TMEM196: variants seen among roughly 807,000 people sequenced by gnomAD.
The protein encoded by TMEM196 is transmembrane protein 196.
TMEM196 carries 17 observed loss-of-function variants against 20.0 expected under a neutral mutation model. The ratio of observed to expected loss-of-function variants is 0.85; its 90% confidence interval spans 0.58 to 1.27. The LOEUF (loss-of-function observed/expected upper bound fraction) is 1.27, where lower values mean the gene tolerates loss of function less well. Ranked by LOEUF, TMEM196 falls within the 50% of genes most tolerant of loss-of-function variation. The probability of loss-of-function intolerance (pLI) is 0.00; values close to 1 mark genes in which losing one functional copy is unlikely to be tolerated. For missense variants in TMEM196, 267 were observed against 223.0 expected, an observed-to-expected ratio of 1.20 and a Z score of -1.26; for synonymous variants, 113 against 88.9, an observed-to-expected ratio of 1.27 and a Z score of -1.52.
intron 1 of TMEM196, among the ~76,000 whole-genome samples, chr7:19,739,693 A>G (rs1784521426): frequency 6.6e-6 from 1 of 152,178 alleles, no homozygotes; most frequent in African/African-American, 2.4e-5. Context: ...TACACAAAAG[A>G]TATGAACAGA....
At chr7:19,733,334 G>C (rs1372620488) in intron 1 of TMEM196, among the ~76,000 whole-genome samples, 2 of 152,174 alleles carry the variant, frequency 1.3e-5, no homozygotes, top group African/African-American at 4.8e-5. Context: ...CACTCTTACA[G>C]TAAGGAAATG....
intron 1 of TMEM196, among the ~76,000 whole-genome samples, chr7:19,771,777 C>T (rs1457217507): frequency 1.3e-5 from 2 of 152,110 alleles, no homozygotes; most frequent in Admixed American, 1.3e-4. Context: ...AAAAAAGAAG[C>T]TTGTTGAGTC....
intron 1 of TMEM196, among the ~76,000 whole-genome samples, chr7:19,733,785 C>T (rs949930495): frequency 4.6e-5 from 7 of 152,064 alleles, no homozygotes; most frequent in Non-Finnish European, 8.8e-5. Flanking sequence ...CAAGATCAAC[C>T]CCAGATATAA....
chr7:19,755,611 A>G (rs548051045), intron 1 of TMEM196, among the ~76,000 whole-genome samples: 19 of 152,214 alleles, frequency 1.2e-4, no homozygotes, highest in Non-Finnish European at 2.6e-4. Flanking sequence ...CTGTACTGTA[A>G]CACCTGTTTC....
chr7:19,740,953 A>G (rs922783131), intron 1 of TMEM196, among the ~76,000 whole-genome samples: 1 of 152,200 alleles, frequency 6.6e-6, no homozygotes, highest in African/African-American at 2.4e-5. Flanking sequence ...GTTGAAGTAG[A>G]TGCAGCCTCC....
chr7:19,769,036 C>A (rs1159064556), intron 1 of TMEM196, among the ~76,000 whole-genome samples: 1 of 152,018 alleles, frequency 6.6e-6, no homozygotes, highest in Non-Finnish European at 1.5e-5. Context: ...AAAAATAATC[C>A]TTTTATAGTG....
At position 19,736,353 on chromosome 7, in the gene TMEM196, CTATATA is replaced by C. The variant is rs71017071; in HGVS notation, c.148-6921_148-6916del. On this transcript the variant is annotated intron_variant, in intron 1 of 4. Transcript: ENST00000405844. ...GATCCCACTTTTCTAGTGGTTCCTA[CTATATA>C]TATATATATATATATATATATATAT... Among the ~76,000 whole-genome samples, 344 of 37,780 alleles carry C rather than the reference CTATATA, an allele frequency of 9.1e-3. 1 individual carries two copies. The highest frequency in any genetic ancestry group is 0.053 in the Middle Eastern group (4 of 76). 24.8% of individuals were successfully genotyped at this position (37,780 alleles called of 152,430 possible).
At chr7:19,749,527 T>G (rs1211583708) in intron 1 of TMEM196, among the ~76,000 whole-genome samples, 3 of 143,836 alleles carry the variant, frequency 2.1e-5, no homozygotes, top group African/African-American at 8.3e-5. Context: ...GTTCTGCTCT[T>G]TTTTTTAAAT....
At chr7:19,734,570 A>T (rs1232216364) in intron 1 of TMEM196, among the ~76,000 whole-genome samples, 1 of 152,224 alleles carries the variant, frequency 6.6e-6, no homozygotes, top group Non-Finnish European at 1.5e-5. Context: ...ATGTGTTGAC[A>T]GAAACAAAGA....
intron 1 of TMEM196, among the ~76,000 whole-genome samples, chr7:19,742,056 A>G (rs143917340): frequency 1.3e-5 from 2 of 152,312 alleles, no homozygotes; most frequent in Non-Finnish European, 2.9e-5. Context: ...CTATCCTAAT[A>G]TCATCTAGAA....
At chr7:19,737,344 A>T (rs1784442498) in intron 1 of TMEM196, among the ~76,000 whole-genome samples, 1 of 152,060 alleles carries the variant, frequency 6.6e-6, no homozygotes, top group Non-Finnish European at 1.5e-5. Context: ...AAGCAGCAGG[A>T]ATTTTCATTT....
rs1435580882 is a variant in TMEM196, at chr7:19,725,657, C to G, written c.316G>C (p.Ala106Pro). 1 of 1,614,082 alleles carries G rather than the reference C, an allele frequency of 6.2e-7. No individual in the cohort carries two copies. The highest frequency in any genetic ancestry group is 1.7e-5 in the Admixed American group (1 of 60,010). The part of the protein sequence containing the change: ...KTSSLYPLHL[A>P]SMSLACIGIG... ...CCAATGCACGCGAGAGACATGGAGG[C>G]AAGGTGCAGTGGGTATAGGGAGGAA... Residue 106 changes from alanine (A) to proline (P), a missense_variant, in exon 3 of 5, where the codon GCC becomes CCC. By Grantham distance (27) the Ala-to-Pro change is conservative (BLOSUM62 -1). Transcript: ENST00000405844.
Position 19,772,186 on chromosome 7 carries a change from A to G in TMEM196, c.147+364T>C, listed in dbSNP as rs980647370. 5.9e-4 allele frequency among the ~76,000 whole-genome samples: 89 copies of G among 152,066 alleles called. 2 individuals are homozygous for G. Among genetic ancestry groups the G allele is most frequent in the Non-Finnish European group, 4.6e-4 (31 of 68,018 alleles). ...TGTAGAAGGAACAAAAGATTAAGTG[A>G]GCCTGCCCTTGACAGGTGTGACACC... On this transcript the variant is annotated intron_variant, in intron 1 of 4. Transcript: ENST00000405844.
chr7:19,720,023 A>G lies in TMEM196; in HGVS notation c.*2105T>C, dbSNP rs1783763586. The G allele has an allele frequency of 6.6e-6, 1 of 152,100 alleles. No homozygotes were observed. The highest frequency in any genetic ancestry group is 2.4e-5 in the African/African-American group (1 of 41,444). 9.4% of individuals were successfully genotyped at this position (152,100 alleles called of 1,614,324 possible). A position where few individuals can be genotyped will look rare whatever the true frequency, so the allele number is the denominator to read the frequency against. ...CTACTGAAAATTAGAGTCAGTGTTTATTCTTTCAGTACAAAACTACATCCT... is the reference window on the plus strand; with the variant it reads ...CTACTGAAAATTAGAGTCAGTGTTTGTTCTTTCAGTACAAAACTACATCCT... On this transcript the variant is annotated 3_prime_UTR_variant, in exon 5 of 5. Transcript: ENST00000405844.
chr7:19,760,903 C>A (rs1234993541), intron 1 of TMEM196, among the ~76,000 whole-genome samples: 1 of 152,196 alleles, frequency 6.6e-6, no homozygotes, highest in African/African-American at 2.4e-5. Flanking sequence ...AGAGTCATAA[C>A]AGAAGCTTGT....
chr7:19,757,209 T>C (rs937902669), intron 1 of TMEM196, among the ~76,000 whole-genome samples: 3 of 151,318 alleles, frequency 2.0e-5, no homozygotes, highest in Non-Finnish European at 4.4e-5. Context: ...AGTCTCAGTT[T>C]GTCACCCAGG....
chr7:19,763,674 T>A (rs1785517679), intron 1 of TMEM196, among the ~76,000 whole-genome samples: 1 of 152,126 alleles, frequency 6.6e-6, no homozygotes, highest in South Asian at 2.1e-4. Context: ...CATAAATGTA[T>A]AAAAATAAAT....
At chr7:19,767,028 A>G (rs1785659567) in intron 1 of TMEM196, among the ~76,000 whole-genome samples, 1 of 152,130 alleles carries the variant, frequency 6.6e-6, no homozygotes, top group African/African-American at 2.4e-5. Flanking sequence ...TGCAAATATT[A>G]TTAGTTATCT....
intron 1 of TMEM196, among the ~76,000 whole-genome samples, chr7:19,747,444 A>C (rs1206848532): frequency 1.3e-5 from 2 of 152,230 alleles, no homozygotes; most frequent in African/African-American, 4.8e-5. Context: ...ATCTATAGTT[A>C]CAATAATAAA....
Sources: allele counts gnomAD v4.1 joint callset (sites outside exome capture counted in the v4.1 genomes callset), GRCh38; gene constraint gnomAD v4.1.1; transcripts MANE v1.5; gene names NCBI Gene and HGNC (gene_info 2026-07-23, HGNC 2026-07-21).